CLEC16A: variants seen among roughly 807,000 people sequenced by gnomAD.
CLEC16A encodes the protein protein CLEC16A.
Under a neutral mutation model 109.5 loss-of-function variants are expected in CLEC16A, and 51 were observed. The observed-to-expected ratio is 0.47, with a 90% CI of 0.37 to 0.59. The LOEUF (loss-of-function observed/expected upper bound fraction) is 0.59. Ranked by LOEUF, CLEC16A falls within the 20% of genes least tolerant of loss-of-function variation. The pLI, the probability that CLEC16A is intolerant of heterozygous loss-of-function variation, is 0.00. For synonymous variants in CLEC16A, 673 were observed against 564.2 expected (o/e 1.19, Z -2.73); for missense variants, 1,339 against 1,394.0 (o/e 0.96, Z 0.63).
intron 19 of CLEC16A, among the ~76,000 whole-genome samples, chr16:11,114,465 G>C (rs12924985): frequency 0.41 from 62,712 of 151,792 alleles, 13,053 homozygotes; most frequent in Middle Eastern, 0.44. Flanking sequence ...CTGAGTGTCA[G>C]GCAGGGAGGC....
At chr16:11,058,234 C>A (rs1246397648) in intron 18 of CLEC16A, among the ~76,000 whole-genome samples, 2 of 152,120 alleles carry the variant, frequency 1.3e-5, no homozygotes, top group African/African-American at 4.8e-5. Flanking sequence ...GGGGCAGGAA[C>A]CAGGAAAAAC....
chr16:11,091,512 AGGGCTGTCCTGAG>A (rs1375930942), intron 19 of CLEC16A, among the ~76,000 whole-genome samples: 3 of 152,152 alleles, frequency 2.0e-5, no homozygotes, highest in African/African-American at 7.2e-5. Flanking sequence ...CCACCTCTGC[AGGGCTGTCCTGAG>A]GGGCTGGCAC....
At chr16:11,085,649 C>T (rs927369478) in intron 19 of CLEC16A, among the ~76,000 whole-genome samples, 10 of 152,234 alleles carry the variant, frequency 6.6e-5, no homozygotes, top group African/African-American at 2.4e-4. Context: ...GAGCCAAGAA[C>T]AGCCTCCTGT....
intron 1 of CLEC16A, among the ~76,000 whole-genome samples, chr16:10,950,875 T>C (rs2041694995): frequency 6.6e-6 from 1 of 152,224 alleles, no homozygotes; most frequent in Admixed American, 6.5e-5. Flanking sequence ...TCCTTTCTCA[T>C]GCCCCACCTT....
intron 11 of CLEC16A, among the ~76,000 whole-genome samples, chr16:11,014,309 G>T (rs1033366195): frequency 6.6e-6 from 1 of 152,156 alleles, no homozygotes; most frequent in African/African-American, 2.4e-5. Context: ...CAGCTGTGCT[G>T]TGTGTATGTA....
intron 19 of CLEC16A, among the ~76,000 whole-genome samples, chr16:11,088,701 C>G (rs1259806737): frequency 1.3e-5 from 2 of 152,156 alleles, no homozygotes; most frequent in Non-Finnish European, 2.9e-5. Context: ...TTTCACAGGA[C>G]CCAGAAGTTT....
Position 11,120,811 on chromosome 16 carries a change from A to AACACAC in CLEC16A, c.2268+68_2268+73dup, listed in dbSNP as rs3217121. On this transcript the variant is annotated intron_variant, in intron 20 of 23. Coordinates refer to ENST00000409790, the MANE Select transcript of CLEC16A (RefSeq NM_015226.3). The stretch of plus-strand genomic sequence containing the variant: ...TGGGATCTGTTCTCAGTTGGCTACA[A>AACACAC]ACACACACACACACACACACACACA... The AACACAC allele has an allele frequency of 5.8e-4, 546 of 934,362 alleles. 1 individual carries two copies. The African/African-American group carries it at 6.3e-3, about 11-fold the overall frequency. 57.9% of individuals were successfully genotyped at this position (934,362 alleles called of 1,614,324 possible).
chr16:11,088,233 A>G (rs1203841876), intron 19 of CLEC16A, among the ~76,000 whole-genome samples: 1 of 152,224 alleles, frequency 6.6e-6, no homozygotes, highest in Non-Finnish European at 1.5e-5. Context: ...TGCAGCAGCT[A>G]ACAACTTTGT....
intron 16 of CLEC16A, among the ~76,000 whole-genome samples, chr16:11,044,922 C>A (rs1252813167): frequency 2.3e-5 from 3 of 132,136 alleles, no homozygotes; most frequent in Non-Finnish European, 3.2e-5. Context: ...GCGAAAACTC[C>A]ATCTCAAAAA....
At chr16:11,140,862 G>A (rs1291369910) in intron 22 of CLEC16A, among the ~76,000 whole-genome samples, 2 of 152,228 alleles carry the variant, frequency 1.3e-5, no homozygotes, top group African/African-American at 2.4e-5. Context: ...ACAACTATGT[G>A]ATGTCAGGAA....
intron 9 of CLEC16A, among the ~76,000 whole-genome samples, chr16:10,981,481 T>C (rs1350010371): frequency 6.6e-6 from 1 of 152,238 alleles, no homozygotes; most frequent in Non-Finnish European, 1.5e-5. Context: ...CACATGGCCA[T>C]TCTGCCTGTA....
At chr16:11,141,211 A>G (rs1352742886) in intron 22 of CLEC16A, among the ~76,000 whole-genome samples, 1 of 152,328 alleles carries the variant, frequency 6.6e-6, no homozygotes, top group East Asian at 1.9e-4. Flanking sequence ...TCTGCCAGCC[A>G]TATGGACAGC....
At position 11,034,917 on chromosome 16, in the gene CLEC16A, G is replaced by A. The variant is rs183375654; in HGVS notation, c.1538-4837G>A. On this transcript the variant is annotated intron_variant, in intron 13 of 23. Transcript: ENST00000409790. ...CATGCGTGTGTGAATGAGTGTCTGT[G>A]TGTGTATGAGTGTGTGTGTGTGTTT... Among the ~76,000 whole-genome samples the A allele has an allele frequency of 2.0e-5, 3 of 152,280 alleles. No individual in the cohort carries two copies. The East Asian group carries it at 5.8e-4, about 29-fold the overall frequency.
At chr16:10,978,697 C>T (rs1567532842) in intron 8 of CLEC16A, among the ~76,000 whole-genome samples, 1 of 152,142 alleles carries the variant, frequency 6.6e-6, no homozygotes, top group East Asian at 1.9e-4. Flanking sequence ...GGTGAATAAG[C>T]GCCTTAGCTT....
intron 22 of CLEC16A, among the ~76,000 whole-genome samples, chr16:11,158,401 A>C (rs906302564): frequency 6.6e-6 from 1 of 152,200 alleles, no homozygotes; most frequent in African/African-American, 2.4e-5. Flanking sequence ...TATGCTTTGC[A>C]ATCTGCAACA....
At chr16:11,028,644 G>T (rs534496487) in intron 13 of CLEC16A, among the ~76,000 whole-genome samples, 1 of 151,074 alleles carries the variant, frequency 6.6e-6, no homozygotes, top group South Asian at 2.1e-4. Context: ...TTAAACTAAC[G>T]TACCATAAAA....
chr16:10,949,216 A>G (rs2041595747), intron 1 of CLEC16A, among the ~76,000 whole-genome samples: 1 of 152,186 alleles, frequency 6.6e-6, no homozygotes, highest in Non-Finnish European at 1.5e-5. Context: ...TGGCACTGAC[A>G]GTGTTAGAGC....
intron 22 of CLEC16A, among the ~76,000 whole-genome samples, chr16:11,134,216 C>G (rs79247213): frequency 1.6e-4 from 24 of 147,766 alleles, no homozygotes; most frequent in Non-Finnish European, 2.2e-4. Flanking sequence ...AAAGAAGGGC[C>G]TAACAGCAGC....
intron 23 of CLEC16A, among the ~76,000 whole-genome samples, chr16:11,169,184 T>C (rs573263783): frequency 2.6e-4 from 40 of 152,316 alleles, no homozygotes; most frequent in Non-Finnish European, 4.9e-4. Context: ...TTATGGAGCC[T>C]CCCAGAGTCC....
Sources: gnomAD v4.1 joint callset for allele counts (sites outside exome capture counted in the v4.1 genomes callset) on GRCh38, gnomAD v4.1.1 for gene constraint, MANE v1.5 for transcripts, NCBI Gene and HGNC (gene_info 2026-07-23, HGNC 2026-07-21) for gene names.